Variants in MAGI1 observed in about 807,000 individuals in gnomAD.
MAGI1 encodes the protein membrane associated guanylate kinase, WW and PDZ domain containing 1.
MAGI1 carries 58 observed loss-of-function variants against 139.9 expected under a neutral mutation model. The observed-to-expected ratio is 0.41, with a 90% CI of 0.34 to 0.52. The LOEUF (loss-of-function observed/expected upper bound fraction) is 0.52, where lower values mean the gene tolerates loss of function less well. Among genes scored for constraint, MAGI1 ranks in the 20% least tolerant of loss-of-function variants. The pLI is 0.12. For missense variants in MAGI1, 1,874 were observed against 1,901.6 expected (o/e 0.99, Z 0.27); for synonymous variants, 812 against 737.9 (o/e 1.10, Z -1.63).
At chr3:65,539,128 A>C (rs2079091309) in intron 2 of MAGI1, among the ~76,000 whole-genome samples, 1 of 152,228 alleles carries the variant, frequency 6.6e-6, no homozygotes, top group South Asian at 2.1e-4. Flanking sequence ...CTACCGTCAA[A>C]CAGACACATG....
chr3:65,744,988 C>G (rs974135490), intron 1 of MAGI1, among the ~76,000 whole-genome samples: 4 of 151,910 alleles, frequency 2.6e-5, no homozygotes, highest in Non-Finnish European at 5.9e-5. Flanking sequence ...CTTTGGCAAC[C>G]TCTAGTCTCC....
chr3:65,694,013 G>T (rs371019362), intron 1 of MAGI1, among the ~76,000 whole-genome samples: 3 of 152,056 alleles, frequency 2.0e-5, no homozygotes, highest in African/African-American at 7.2e-5. Context: ...GAGCCACCGT[G>T]CCCAGCCCAG....
At chr3:65,539,709 A>G (rs887678454) in intron 2 of MAGI1, among the ~76,000 whole-genome samples, 1 of 152,204 alleles carries the variant, frequency 6.6e-6, no homozygotes, top group African/African-American at 2.4e-5. Flanking sequence ...GCAACTATTT[A>G]GCATATGAAG....
At chr3:65,713,573 C>G (rs1402489062) in intron 1 of MAGI1, among the ~76,000 whole-genome samples, 1 of 152,156 alleles carries the variant, frequency 6.6e-6, no homozygotes, top group East Asian at 1.9e-4. Context: ...GAGAACTGAG[C>G]TGATTCTACC....
At chr3:65,795,464 T>C (rs968893799) in intron 1 of MAGI1, among the ~76,000 whole-genome samples, 2 of 152,166 alleles carry the variant, frequency 1.3e-5, no homozygotes, top group African/African-American at 2.4e-5. Context: ...TCCATTTGTA[T>C]AACATTCTTG....
At chr3:65,989,203 A>C (rs938659458) in intron 1 of MAGI1, among the ~76,000 whole-genome samples, 7 of 152,198 alleles carry the variant, frequency 4.6e-5, no homozygotes, top group African/African-American at 1.4e-4. Flanking sequence ...TTTTAAGAGG[A>C]TTTATATAGA....
At chr3:65,641,917 C>A (rs1266854782) in intron 1 of MAGI1, among the ~76,000 whole-genome samples, 1 of 152,132 alleles carries the variant, frequency 6.6e-6, no homozygotes, top group Non-Finnish European at 1.5e-5. Context: ...GAACAGACAT[C>A]AAATACAAAG....
chr3:66,004,330 C>T (rs140235340), intron 1 of MAGI1, among the ~76,000 whole-genome samples: 206 of 152,244 alleles, frequency 1.4e-3, no homozygotes, highest in African/African-American at 4.6e-3. Flanking sequence ...CTGGAATATC[C>T]GGAGGCATCT....
At chr3:66,020,041 T>C (rs1376790907) in intron 1 of MAGI1, among the ~76,000 whole-genome samples, 1 of 152,206 alleles carries the variant, frequency 6.6e-6, no homozygotes, top group African/African-American at 2.4e-5. Flanking sequence ...ATTGCAGAAC[T>C]AAGGCATTCA....
chr3:65,556,021 CAAAT>C (rs1264513294), intron 2 of MAGI1, among the ~76,000 whole-genome samples: 3 of 152,102 alleles, frequency 2.0e-5, no homozygotes, highest in African/African-American at 7.2e-5. Context: ...GATTCTTTGA[CAAAT>C]AAGAATGTAT....
intron 5 of MAGI1, 62 bp from the exon 6 acceptor site, chr3:65,453,402 C>T: frequency 8.1e-7 from 1 of 1,237,004 alleles, no homozygotes; most frequent in Non-Finnish European, 1.2e-6. Flanking sequence ...GCAAGAAGCC[C>T]AATGACGGAA....
At chr3:65,979,346 T>C (rs1042906408) in intron 1 of MAGI1, among the ~76,000 whole-genome samples, 3 of 152,106 alleles carry the variant, frequency 2.0e-5, no homozygotes, top group African/African-American at 4.8e-5. Flanking sequence ...ACAAAAACCA[T>C]TCTCGCAGTT....
At chr3:65,389,970 G>T (rs1943771817) in intron 14 of MAGI1, among the ~76,000 whole-genome samples, 1 of 152,228 alleles carries the variant, frequency 6.6e-6, no homozygotes, top group Non-Finnish European at 1.5e-5. Flanking sequence ...GCATCATTCA[G>T]TGGACTGACC....
At chr3:65,729,867 C>A (rs1360495876) in intron 1 of MAGI1, among the ~76,000 whole-genome samples, 1 of 152,182 alleles carries the variant, frequency 6.6e-6, no homozygotes, top group Non-Finnish European at 1.5e-5. Context: ...ACATTAAAAT[C>A]ACCATGTAAT....
chr3:65,554,489 A>G (rs1269606907), intron 2 of MAGI1, among the ~76,000 whole-genome samples: 2 of 152,298 alleles, frequency 1.3e-5, no homozygotes, highest in African/African-American at 4.8e-5. Flanking sequence ...AGAGACGCAA[A>G]GCATCAGGGC....
intron 1 of MAGI1, among the ~76,000 whole-genome samples, chr3:65,694,857 G>C (rs1456689372): frequency 6.6e-6 from 1 of 152,212 alleles, no homozygotes; most frequent in Admixed American, 6.5e-5. Flanking sequence ...CTGGCTGGCT[G>C]TCTCTTTGAA....
At chr3:65,398,727 C>T (rs1372196538) in intron 13 of MAGI1, among the ~76,000 whole-genome samples, 5 of 152,060 alleles carry the variant, frequency 3.3e-5, no homozygotes, top group Admixed American at 6.6e-5. Flanking sequence ...TAAAACCTGA[C>T]AGAAAATATG....
intron 1 of MAGI1, among the ~76,000 whole-genome samples, chr3:65,906,692 C>T (rs2061446959): frequency 6.6e-6 from 1 of 151,942 alleles, no homozygotes; most frequent in Admixed American, 6.6e-5. Context: ...TAGAGACCAG[C>T]CTGACCAACA....
At chr3:65,559,442 T>C (rs2080235117) in intron 2 of MAGI1, among the ~76,000 whole-genome samples, 1 of 152,240 alleles carries the variant, frequency 6.6e-6, no homozygotes, top group African/African-American at 2.4e-5. Flanking sequence ...GTTTCCAAAA[T>C]ACTAATCATA....
Sources: gnomAD v4.1 joint callset for allele counts (sites outside exome capture counted in the v4.1 genomes callset) on GRCh38, gnomAD v4.1.1 for gene constraint, MANE v1.5 for transcripts, NCBI Gene and HGNC (gene_info 2026-07-23, HGNC 2026-07-21) for gene names.